The following GABRR1 variants were observed in gnomAD, a reference collection of about 807,000 sequenced individuals.
GABRR1 encodes gamma-aminobutyric acid type A receptor subunit rho1, also known as gamma-aminobutyric acid receptor subunit rho-1.
GABRR1 carries 59 observed loss-of-function variants against 55.5 expected under a neutral mutation model. That is an observed-to-expected ratio of 1.06 (90% CI 0.86 to 1.32). The LOEUF (loss-of-function observed/expected upper bound fraction) is 1.32, where lower values mean the gene tolerates loss of function less well. Ranked by LOEUF, GABRR1 falls within the 40% of genes most tolerant of loss-of-function variation. The pLI is 0.00. For missense variants in GABRR1, 602 were observed against 619.1 expected (o/e 0.97, Z 0.29); for synonymous variants, 213 against 226.0 (o/e 0.94, Z 0.51).
At chr6:89,210,229 T>C (rs12214587) in intron 1 of GABRR1, among the ~76,000 whole-genome samples, 7,245 of 130,848 alleles carry the variant, frequency 0.055, 198 homozygotes, top group African/African-American at 0.072. Context: ...GTTCTTACTC[T>C]GTCACCCAGG....
chr6:89,203,480 TG>T lies in GABRR1; in HGVS notation c.127del (p.Gln43LysfsTer19). The T allele has an allele frequency of 5.0e-6, 8 of 1,612,400 alleles. No individual in the cohort carries two copies. The highest frequency in any genetic ancestry group is 6.8e-6 in the Non-Finnish European group (8 of 1,178,428). On this transcript the variant is annotated frameshift_variant, in exon 2 of 10. Coordinates refer to ENST00000454853, the MANE Select transcript of GABRR1 (RefSeq NM_002042.5). LOFTEE classifies it high-confidence loss of function. ...TTCATGTACTTCTCGTCTTTGTCTT[TG>T]GGGCCTACCATGAACATTAAAAATA... The part of the protein sequence containing the change: ...VHEMSKKGRP[Q>X]RQRREVHEDA...
chr6:89,225,589 T>C (rs1239514586), intron 1 of GABRR1, among the ~76,000 whole-genome samples: 1 of 133,308 alleles, frequency 7.5e-6, no homozygotes, highest in African/African-American at 2.9e-5. Flanking sequence ...ACAAAGGGCA[T>C]GAACTCATCA....
upstream of GABRR1, among the ~76,000 whole-genome samples, chr6:89,219,901 T>C (rs1773089062): frequency 6.6e-6 from 1 of 152,232 alleles, no homozygotes; most frequent in African/African-American, 2.4e-5. Flanking sequence ...TATCCTCTTA[T>C]ATAAATCATC....
chr6:89,186,627 C>G (rs1316488432), intron 6 of GABRR1, among the ~76,000 whole-genome samples: 1 of 152,250 alleles, frequency 6.6e-6, no homozygotes, highest in African/African-American at 2.4e-5. Flanking sequence ...AGGCTACATT[C>G]CAGATGGAGG....
At chr6:89,190,666 A>G (rs1772058544) in intron 5 of GABRR1, among the ~76,000 whole-genome samples, 1 of 152,240 alleles carries the variant, frequency 6.6e-6, no homozygotes, top group African/African-American at 2.4e-5. Context: ...AACATCATAT[A>G]CAATACAGTG....
chr6:89,180,837 A>T (rs973988974), intron 8 of GABRR1, among the ~76,000 whole-genome samples: 2 of 152,186 alleles, frequency 1.3e-5, no homozygotes, highest in Non-Finnish European at 2.9e-5. Flanking sequence ...GAGCAGGTAT[A>T]TATGTTTCTT....
At chr6:89,220,123 G>C (rs1268198388), upstream of GABRR1, among the ~76,000 whole-genome samples, 2 of 152,160 alleles carry the variant, frequency 1.3e-5, no homozygotes, top group Admixed American at 6.5e-5. Flanking sequence ...CATTAAATTG[G>C]GGAGGTAGAA....
At chr6:89,195,443 G>A (rs395312) in intron 5 of GABRR1, among the ~76,000 whole-genome samples, 67,500 of 151,134 alleles carry the variant, frequency 0.45, 16,029 homozygotes, top group East Asian at 0.91. Context: ...AGCCTGGGCA[G>A]CAGAGTAAGA....
intron 7 of GABRR1, 26 bp downstream of exon 7, chr6:89,185,284 A>T: frequency 6.2e-7 from 1 of 1,611,466 alleles, no homozygotes; most frequent in Non-Finnish European, 8.5e-7. Context: ...GCCTGCCCTG[A>T]CTCTCAGCCC....
At chr6:89,202,870 A>C (rs936876474) in intron 2 of GABRR1, among the ~76,000 whole-genome samples, 1 of 151,874 alleles carries the variant, frequency 6.6e-6, no homozygotes, top group Admixed American at 6.6e-5. Flanking sequence ...CATGCAACTG[A>C]GTCCAGTTAA....
chr6:89,187,375 T>A (rs891615420), intron 6 of GABRR1, among the ~76,000 whole-genome samples: 3 of 152,242 alleles, frequency 2.0e-5, no homozygotes, highest in African/African-American at 7.2e-5. Flanking sequence ...AATTACTACA[T>A]AAATACAGCC....
intron 7 of GABRR1, among the ~76,000 whole-genome samples, chr6:89,183,955 T>C (rs1260363721): frequency 1.3e-5 from 2 of 152,070 alleles, no homozygotes; most frequent in Admixed American, 1.3e-4. Context: ...AATCCTAGAC[T>C]TCAGCTGGGC....
intron 1 of GABRR1, among the ~76,000 whole-genome samples, chr6:89,213,784 T>C (rs1582405994): frequency 1.3e-5 from 2 of 152,134 alleles, no homozygotes; most frequent in East Asian, 3.9e-4. Flanking sequence ...AAGAAGAAAA[T>C]ACACAAAAAT....
Position 89,190,198 on chromosome 6 carries a change from C to G in GABRR1, c.622G>C (p.Asp208His). The G allele has an allele frequency of 6.2e-7, 1 of 1,611,518 alleles. No individual in the cohort carries two copies. Among genetic ancestry groups the G allele is most frequent in the Non-Finnish European group, 8.5e-7 (1 of 1,178,814 alleles). ...CNMDFSRFPL[D>H]TQTCSLEIES... The stretch of plus-strand genomic sequence containing the variant: ...ATTTCAAGAGAGCACGTTTGTGTGT[C>G]CAAGGGAAATCGGCTGAAGTCCATG... Residue 208 changes from aspartate to histidine, a missense_variant, in exon 6 of 10, where the codon GAC becomes CAC. Asp to His is a moderately conservative substitution (Grantham distance 81). Transcript: ENST00000454853.
chr6:89,201,100 C>T, intron 3 of GABRR1, 59 bp downstream of exon 3: 1 of 1,313,932 alleles, frequency 7.6e-7, no homozygotes, highest in Admixed American at 1.7e-5. Context: ...TGGCTAATTT[C>T]CTGCCCACAG....
chr6:89,192,547 C>CTCTTCT (rs559452823), intron 5 of GABRR1, among the ~76,000 whole-genome samples: 1 of 150,144 alleles, frequency 6.7e-6, no homozygotes, highest in Non-Finnish European at 1.5e-5. Context: ...CCTCTTCTTC[C>CTCTTCT]TCTTCTTCTT....
chr6:89,192,686 G>C (rs138414003), intron 5 of GABRR1, among the ~76,000 whole-genome samples: 2,138 of 151,436 alleles, frequency 0.014, 25 homozygotes, highest in Non-Finnish European at 0.021. Context: ...TCAGCCTCCT[G>C]AGTAGCTGGG....
upstream of GABRR1, among the ~76,000 whole-genome samples, chr6:89,219,851 A>C (rs1259835837): frequency 6.6e-6 from 1 of 152,200 alleles, no homozygotes; most frequent in Non-Finnish European, 1.5e-5. Context: ...TAAAATCTTC[A>C]ATGTCTGTTC....
At chr6:89,192,586 A>T (rs1772137569) in intron 5 of GABRR1, among the ~76,000 whole-genome samples, 2 of 131,688 alleles carry the variant, frequency 1.5e-5, no homozygotes, top group Non-Finnish European at 1.6e-5. Flanking sequence ...TTTTTTTGAG[A>T]CAGTCTCGCT....
Sources: allele counts gnomAD v4.1 joint callset (sites outside exome capture counted in the v4.1 genomes callset), GRCh38; gene constraint gnomAD v4.1.1; transcripts MANE v1.5; gene names NCBI Gene and HGNC (gene_info 2026-07-23, HGNC 2026-07-21).